The following COL5A1 variants were observed in gnomAD, a reference collection of about 807,000 sequenced individuals.
COL5A1 encodes the protein collagen type V alpha 1 chain, also known as collagen alpha-1(V) chain.
A neutral mutation model predicts 263.7 loss-of-function variants in COL5A1; 16 were observed. That is an observed-to-expected ratio of 0.06 (90% CI 0.04 to 0.09). The LOEUF (loss-of-function observed/expected upper bound fraction) is 0.09. Among genes scored for constraint, COL5A1 ranks in the 10% least tolerant of loss-of-function variants. The pLI is 1.00. For synonymous variants in COL5A1, 1,012 were observed against 1,004.5 expected (o/e 1.01, Z -0.14); for missense variants, 2,036 against 2,540.5 (o/e 0.80, Z 4.27).
chr9:134,839,155 C>A (rs555440024), intron 65 of COL5A1, among the ~76,000 whole-genome samples: 2 of 152,202 alleles, frequency 1.3e-5, no homozygotes, highest in Non-Finnish European at 2.9e-5. Flanking sequence ...TTGGCTGGGG[C>A]GCCTGATTGA....
chr9:134,660,159 A>T lies in COL5A1; in HGVS notation c.109+17863A>T, dbSNP rs556516754. ...GAAAAATGCAAACTCTGAGAGAAGC[A>T]GTGCCCCAGGCCTGATTTCCAAGTC... is the stretch of plus-strand genomic sequence containing the variant. On this transcript the variant is annotated intron_variant, in intron 1 of 65. Coordinates refer to ENST00000371817, the MANE Select transcript of COL5A1 (RefSeq NM_000093.5). 4.6e-4 allele frequency among the ~76,000 whole-genome samples: 70 copies of T among 152,358 alleles called. No homozygotes were observed. The South Asian group carries it at 0.013, about 29-fold the overall frequency.
chr9:134,734,020 C>A (rs896481241), intron 9 of COL5A1, among the ~76,000 whole-genome samples: 1 of 152,110 alleles, frequency 6.6e-6, no homozygotes, highest in African/African-American at 2.4e-5. Flanking sequence ...CTGGGAGGGC[C>A]GGACTGAAAC....
chr9:134,752,430 G>A (rs1055985292), intron 13 of COL5A1, among the ~76,000 whole-genome samples, 159 bp from the exon 14 acceptor site: 1 of 147,754 alleles, frequency 6.8e-6, no homozygotes, highest in African/African-American at 2.6e-5. Flanking sequence ...GGGGGGGGGG[G>A]GCCCTTGGGG....
At chr9:134,715,709 A>C (rs201056864) in intron 4 of COL5A1, among the ~76,000 whole-genome samples, 2 of 152,230 alleles carry the variant, frequency 1.3e-5, no homozygotes, top group East Asian at 3.8e-4. Flanking sequence ...CATAGCCCTA[A>C]ATCCATTAAA....
chr9:134,702,608 C>T (rs1588451538), intron 4 of COL5A1, among the ~76,000 whole-genome samples: 2 of 152,308 alleles, frequency 1.3e-5, no homozygotes, highest in South Asian at 2.1e-4. Context: ...GATGTCTGCT[C>T]GTGGGGACGG....
intron 11 of COL5A1, among the ~76,000 whole-genome samples, chr9:134,745,830 C>G (rs1426764973): frequency 2.4e-4 from 36 of 152,190 alleles, no homozygotes; most frequent in Admixed American, 2.4e-3. Context: ...CCTCTGGAGG[C>G]TCCAGGTGAG....
chr9:134,669,918 C>G (rs907384964), intron 1 of COL5A1, among the ~76,000 whole-genome samples: 1 of 152,196 alleles, frequency 6.6e-6, no homozygotes, highest in African/African-American at 2.4e-5. Context: ...GCAACTCATT[C>G]TCCAAATAAC....
chr9:134,792,954 G>GCTGCCTGCTGT (rs1285827060), intron 32 of COL5A1, among the ~76,000 whole-genome samples: 5 of 137,892 alleles, frequency 3.6e-5, no homozygotes, highest in African/African-American at 5.4e-5. Flanking sequence ...CCACATGAGG[G>GCTGCCTGCTGT]CTGCCTGCTG....
chr9:134,652,087 C>T lies in COL5A1; in HGVS notation c.109+9791C>T, dbSNP rs1313358110. Among the ~76,000 whole-genome samples the T allele has an allele frequency of 6.6e-6, 1 of 152,040 alleles. No individual in the cohort carries two copies. The highest frequency in any genetic ancestry group is 2.1e-4 in the South Asian group (1 of 4,818). On this transcript the variant is annotated intron_variant, in intron 1 of 65. Coordinates refer to ENST00000371817, the MANE Select transcript of COL5A1 (RefSeq NM_000093.5). This position sits in a 1 kb window ranked among gnomAD's most constrained non-coding sequence, Gnocchi z 4.4. ...AGAGCCTTTGGCTACAGAGTGTTCC[C>T]GCGGTCGAGGTGGGGTGAAGGGCGT...
chr9:134,691,870 A>G (rs1833294904), intron 2 of COL5A1: 1 of 152,248 alleles, frequency 6.6e-6, no homozygotes, highest in Admixed American at 6.5e-5. Flanking sequence ...ATTAGAAGAC[A>G]GCGCAGCATC....
In COL5A1 at chr9:134,647,026, T is replaced by C. The variant is rs1407794016; in HGVS notation, c.109+4730T>C. The stretch of plus-strand genomic sequence containing the variant: ...GAGAAGCTTTGCAGGCTGCCTGACC[T>C]GTACTCGGCACTGGCTGTGTGGGGA... On this transcript the variant is annotated intron_variant, in intron 1 of 65. Transcript: ENST00000371817. The surrounding 1 kb of genome is among the most constrained non-coding windows in gnomAD (Gnocchi z 5.0). Among the ~76,000 whole-genome samples the C allele has an allele frequency of 2.0e-5, 3 of 152,212 alleles. No homozygotes were observed. The highest frequency in any genetic ancestry group is 4.4e-5 in the Non-Finnish European group (3 of 68,026).
Position 134,707,599 on chromosome 9 carries a change from G to A in COL5A1, c.654+6266G>A, listed in dbSNP as rs142437735. Among the ~76,000 whole-genome samples, 266 of 152,268 alleles carry A rather than the reference G, an allele frequency of 1.7e-3. 2 individuals carry two copies. Among genetic ancestry groups the A allele is most frequent in the African/African-American group, 5.6e-3 (233 of 41,556 alleles). ...TGTGAGTGGGAACGTCCCCCAGGGCGTCAGGCCCTTCAGTGTTAGGGCCTC... is the reference window on the plus strand; with the variant it reads ...TGTGAGTGGGAACGTCCCCCAGGGCATCAGGCCCTTCAGTGTTAGGGCCTC... On this transcript the variant is annotated intron_variant, in intron 4 of 65. Transcript: ENST00000371817.
chr9:134,792,242 CA>C (rs1387330850), intron 32 of COL5A1, among the ~76,000 whole-genome samples: 1 of 152,184 alleles, frequency 6.6e-6, no homozygotes, highest in African/African-American at 2.4e-5. Flanking sequence ...AGGTTTTAGC[CA>C]GGGGGAATGG....
At chr9:134,654,813 C>T (rs535141710) in intron 1 of COL5A1, among the ~76,000 whole-genome samples, 6 of 87,924 alleles carry the variant, frequency 6.8e-5, no homozygotes, top group African/African-American at 1.4e-4. Flanking sequence ...GTGTTTAGGG[C>T]GGGGTTTGTA....
intron 27 of COL5A1, among the ~76,000 whole-genome samples, chr9:134,775,473 C>G (rs1343012254): frequency 6.6e-6 from 1 of 152,226 alleles, no homozygotes; most frequent in Non-Finnish European, 1.5e-5. Flanking sequence ...CCATGACGGG[C>G]TCTGACAACC....
intron 1 of COL5A1, among the ~76,000 whole-genome samples, chr9:134,650,246 C>A (rs1831629553): frequency 6.6e-6 from 1 of 152,168 alleles, no homozygotes; most frequent in East Asian, 1.9e-4. Flanking sequence ...AAACTCTGAC[C>A]CTTGCATTGG....
intron 24 of COL5A1, 123 bp downstream of exon 24, chr9:134,767,477 C>A: frequency 1.1e-6 from 1 of 892,328 alleles, no homozygotes; most frequent in Non-Finnish European, 1.8e-6. Context: ...TCCCAAGAGA[C>A]GCCAAAGCTC....
rs66657532 is a variant in COL5A1, at chr9:134,822,719, CG to C, written c.4609-278del. On this transcript the variant is annotated intron_variant, in intron 59 of 65. Transcript: ENST00000371817. ...AGCCAGGACATGCTCTTTTCCGCTG[CG>C]CCCCCCCCGCGGCTGTCTGAGCTGG... Among the ~76,000 whole-genome samples, 9,444 of 60,462 alleles carry C rather than the reference CG, an allele frequency of 0.16. 1,082 individuals are homozygous for C. The highest frequency in any genetic ancestry group is 0.4 in the African/African-American group (6,959 of 17,482). The allele number at this position is 60,462 out of a possible 152,430, so 39.7% of individuals were successfully genotyped here.
intron 1 of COL5A1, among the ~76,000 whole-genome samples, chr9:134,671,027 G>A (rs1043753142): frequency 1.3e-5 from 2 of 152,238 alleles, no homozygotes; most frequent in Non-Finnish European, 1.5e-5. Context: ...ACGTGAAGTC[G>A]GGGCCTGCTG....
Sources: gnomAD v4.1 joint callset for allele counts (sites outside exome capture counted in the v4.1 genomes callset) on GRCh38, gnomAD v4.1.1 for gene constraint, Gnocchi (gnomAD v3.1) non-coding constraint, MANE v1.5 for transcripts, NCBI Gene and HGNC (gene_info 2026-07-23, HGNC 2026-07-21) for gene names.